DPP10: variants seen among roughly 807,000 people sequenced by gnomAD.
DPP10 encodes inactive dipeptidyl peptidase 10.
A neutral mutation model predicts 120.9 loss-of-function variants in DPP10; 33 were observed. The ratio of observed to expected loss-of-function variants is 0.27; its 90% CI spans 0.21 to 0.37. The LOEUF (loss-of-function observed/expected upper bound fraction) is 0.37. Among genes scored for constraint, DPP10 ranks in the 10% least tolerant of loss-of-function variants. The probability of loss-of-function intolerance (pLI) is 1.00; values close to 1 mark genes in which losing one functional copy is unlikely to be tolerated. For missense variants in DPP10, 816 were observed against 942.8 expected (o/e 0.87, Z 1.76); for synonymous variants, 337 against 326.1 (o/e 1.03, Z -0.36).
At chr2:115,752,730 G>T (rs780446819) in intron 10 of DPP10, among the ~76,000 whole-genome samples, 28 of 152,034 alleles carry the variant, frequency 1.8e-4, no homozygotes, top group Non-Finnish European at 3.8e-4. Context: ...AACTGGAAGA[G>T]ATTATTCTTG....
intron 21 of DPP10, among the ~76,000 whole-genome samples, chr2:115,819,354 C>T (rs911704365): frequency 1.6e-4 from 25 of 152,178 alleles, no homozygotes; most frequent in Admixed American, 1.2e-3. Context: ...ATAATATCCT[C>T]TTATTATATG....
At chr2:114,708,613 C>T (rs1700828420) in intron 1 of DPP10, among the ~76,000 whole-genome samples, 1 of 152,040 alleles carries the variant, frequency 6.6e-6, no homozygotes, top group Admixed American at 6.6e-5. Context: ...GCAACTGTGG[C>T]TCAGGTGTAC....
intron 1 of DPP10, among the ~76,000 whole-genome samples, chr2:114,609,077 G>T (rs1029739772): frequency 1.3e-5 from 2 of 152,054 alleles, no homozygotes; most frequent in African/African-American, 4.8e-5. Flanking sequence ...TTAAAAAAAA[G>T]AATGTAGAGC....
At chr2:115,400,957 A>C (rs1395922282) in intron 3 of DPP10, among the ~76,000 whole-genome samples, 1 of 152,202 alleles carries the variant, frequency 6.6e-6, no homozygotes, top group Non-Finnish European at 1.5e-5. Context: ...GCTAAAAGTG[A>C]GTACTTAGGT....
rs763619133 is a variant in DPP10 at position 115,456,211 on chromosome 2, G to T, written c.272-43299G>T. On this transcript the variant is annotated intron_variant, in intron 3 of 25. Coordinates refer to ENST00000410059, the MANE Select transcript of DPP10 (RefSeq NM_020868.6). ...GTACCCATCAAACATATGAAAAAAA[G>T]CTCATCATCACTTTTCATTAGAGAA... 5.9e-5 allele frequency among the ~76,000 whole-genome samples: 9 copies of T among 152,136 alleles called. No homozygotes were observed. The South Asian group carries it at 6.2e-4, about 10-fold the overall frequency.
intron 1 of DPP10, among the ~76,000 whole-genome samples, chr2:114,514,351 A>G (rs1684417024): frequency 1.3e-5 from 2 of 152,184 alleles, no homozygotes; most frequent in African/African-American, 4.8e-5. Flanking sequence ...CAAATCCATG[A>G]CTAGACCTTG....
At chr2:115,048,844 T>C (rs1705260098) in intron 1 of DPP10, among the ~76,000 whole-genome samples, 1 of 152,134 alleles carries the variant, frequency 6.6e-6, no homozygotes, top group African/African-American at 2.4e-5. Flanking sequence ...TCTCCAAATT[T>C]GCTTGCATAA....
chr2:115,181,380 GT>G (rs2054067009), intron 1 of DPP10, among the ~76,000 whole-genome samples: 1 of 152,188 alleles, frequency 6.6e-6, no homozygotes, highest in African/African-American at 2.4e-5. Flanking sequence ...AGGTGGCTTG[GT>G]GGGCAGTGCT....
chr2:115,285,733 G>C (rs901149744), intron 1 of DPP10, among the ~76,000 whole-genome samples: 1 of 151,972 alleles, frequency 6.6e-6, no homozygotes, highest in Non-Finnish European at 1.5e-5. Flanking sequence ...CTTGTACCTA[G>C]GGCTATAATT....
At chr2:115,770,539 G>T (rs1681337657) in intron 13 of DPP10, among the ~76,000 whole-genome samples, 1 of 151,644 alleles carries the variant, frequency 6.6e-6, no homozygotes, top group South Asian at 2.1e-4. Flanking sequence ...TTTGGCAATT[G>T]ATTAAAATTA....
chr2:114,886,280 C>T lies in DPP10; in HGVS notation c.61-422959C>T, dbSNP rs562538310. 6.6e-5 allele frequency among the ~76,000 whole-genome samples: 10 copies of T among 152,246 alleles called. No individual in the cohort carries two copies. In the South Asian group the frequency reaches 2.1e-3, roughly 32 times the overall value. Reference sequence around the variant, plus strand: ...TCCTCTTCTACCTTCAATTTTAACTCTTACATTTCAAGTAAAAAACAGGTC... The same window carrying T: ...TCCTCTTCTACCTTCAATTTTAACTTTTACATTTCAAGTAAAAAACAGGTC... On this transcript the variant is annotated intron_variant, in intron 1 of 25. Coordinates refer to ENST00000410059, the MANE Select transcript of DPP10 (RefSeq NM_020868.6).
At chr2:115,723,511 T>C (rs1428337850) in intron 7 of DPP10, among the ~76,000 whole-genome samples, 9 of 152,190 alleles carry the variant, frequency 5.9e-5, no homozygotes, top group Non-Finnish European at 7.3e-5. Flanking sequence ...ATCTTGACTC[T>C]GACAATTACG....
At chr2:114,448,686 A>G (rs1364154453) in intron 1 of DPP10, among the ~76,000 whole-genome samples, 1 of 152,204 alleles carries the variant, frequency 6.6e-6, no homozygotes, top group Non-Finnish European at 1.5e-5. Flanking sequence ...TGCTATTGTC[A>G]GCCTGTAAGA....
intron 3 of DPP10, among the ~76,000 whole-genome samples, chr2:115,444,150 A>AAG (rs1378460836): frequency 6.6e-6 from 1 of 152,200 alleles, no homozygotes; most frequent in Non-Finnish European, 1.5e-5. Flanking sequence ...ATTATGAAAG[A>AAG]AGTAAATTTG....
At chr2:114,759,276 T>C (rs1680066529) in intron 1 of DPP10, among the ~76,000 whole-genome samples, 1 of 152,204 alleles carries the variant, frequency 6.6e-6, no homozygotes, top group South Asian at 2.1e-4. Flanking sequence ...CCATTTGCAG[T>C]CTGACTAAAC....
chr2:115,130,501 T>TATCCATCCATCCATCCATCC (rs56314226), intron 1 of DPP10, among the ~76,000 whole-genome samples: 31 of 144,858 alleles, frequency 2.1e-4, no homozygotes, highest in Admixed American at 5.5e-4. Context: ...TCCATCCATC[T>TATCCATCCATCCATCCATCC]ATCCATCCAT....
rs145932411 is a variant in DPP10 at position 115,099,647 on chromosome 2, A to G, written c.61-209592A>G. ...ACTGGAAGTAATGATACACAGAGCC[A>G]TTACTTAGCTCACATATTCATGTAT... is the stretch of plus-strand genomic sequence containing the variant. On this transcript the variant is annotated intron_variant, in intron 1 of 25. Coordinates refer to ENST00000410059, the MANE Select transcript of DPP10 (RefSeq NM_020868.6). Among the ~76,000 whole-genome samples the G allele has an allele frequency of 1.3e-3, 199 of 152,320 alleles. 1 individual carries two copies. Among genetic ancestry groups the G allele is most frequent in the Admixed American group, 4.7e-3 (72 of 15,294 alleles).
At chr2:115,133,145 G>GTGTATATATATATATATATATA (rs1338395575) in intron 1 of DPP10, among the ~76,000 whole-genome samples, 2 of 28,760 alleles carry the variant, frequency 7.0e-5, no homozygotes, top group African/African-American at 1.3e-4. Flanking sequence ...GTGTGTGTGT[G>GTGTATATATATATATATATATA]TATATATATA....
chr2:115,379,008 A>G (rs1418488518), intron 3 of DPP10, among the ~76,000 whole-genome samples: 1 of 152,168 alleles, frequency 6.6e-6, no homozygotes, highest in East Asian at 1.9e-4. Flanking sequence ...TTGGTCTAAC[A>G]TTCTCTTTTT....
Sources: gnomAD v4.1 joint callset for allele counts (sites outside exome capture counted in the v4.1 genomes callset) on GRCh38, gnomAD v4.1.1 for gene constraint, MANE v1.5 for transcripts, NCBI Gene and HGNC (gene_info 2026-07-23, HGNC 2026-07-21) for gene names.